Variants in GBE1 observed in about 807,000 individuals in gnomAD.
The protein encoded by GBE1 is 1,4-alpha-glucan-branching enzyme.
In GBE1, 70 loss-of-function variants were observed where a neutral mutation model predicts 88.8. That is an observed-to-expected ratio of 0.79 (90% CI 0.65 to 0.96). The LOEUF (loss-of-function observed/expected upper bound fraction) is 0.96. Among genes scored for constraint, GBE1 ranks in the 40% least tolerant of loss-of-function variants. GBE1 has a pLI of 0.00. For missense variants in GBE1, 872 were observed against 871.0 expected, an observed-to-expected ratio of 1.00 and a Z score of -0.01; for synonymous variants, 284 against 300.1, an observed-to-expected ratio of 0.95 and a Z score of 0.56.
At position 81,643,887 on chromosome 3, in the gene GBE1, G is replaced by C. The variant is rs555726131; in HGVS notation, c.783-897C>G. Reference sequence around the variant, plus strand: ...ATACTTGTGCTCCCATTCATCCCAGGGTGAAGACCATTGTCCTGATCGTGG... The same window carrying C: ...ATACTTGTGCTCCCATTCATCCCAGCGTGAAGACCATTGTCCTGATCGTGG... On this transcript the variant is annotated intron_variant, in intron 6 of 15. Transcript: ENST00000429644. 2.6e-5 allele frequency among the ~76,000 whole-genome samples: 4 copies of C among 152,126 alleles called. No homozygotes were observed. In the South Asian group the frequency reaches 8.3e-4, roughly 32 times the overall value.
chr3:81,639,262 T>C (rs1704635039), intron 7 of GBE1, among the ~76,000 whole-genome samples: 1 of 152,134 alleles, frequency 6.6e-6, no homozygotes, highest in African/African-American at 2.4e-5. Context: ...ATTTTTCAAA[T>C]ATAGTTTTTT....
At chr3:81,615,818 A>T (rs573674045) in intron 7 of GBE1, among the ~76,000 whole-genome samples, 1 of 152,224 alleles carries the variant, frequency 6.6e-6, no homozygotes, top group Non-Finnish European at 1.5e-5. Context: ...GCTGGCATGT[A>T]TGACAACTGC....
intron 1 of GBE1, among the ~76,000 whole-genome samples, chr3:81,721,716 T>G (rs1234401997): frequency 6.6e-6 from 1 of 152,184 alleles, no homozygotes; most frequent in African/African-American, 2.4e-5. Context: ...CAGCAACCAT[T>G]AAGAAACAGA....
intron 14 of GBE1, among the ~76,000 whole-genome samples, chr3:81,503,899 T>G (rs772921030): frequency 1.6e-4 from 25 of 152,102 alleles, no homozygotes; most frequent in Non-Finnish European, 2.2e-4. Flanking sequence ...AGACCATACA[T>G]ATAGGAAGCA....
At chr3:81,560,304 T>A (rs1703399733) in intron 12 of GBE1, among the ~76,000 whole-genome samples, 1 of 151,982 alleles carries the variant, frequency 6.6e-6, no homozygotes, top group Admixed American at 6.6e-5. Flanking sequence ...TTTAATCACA[T>A]AGATCAGATA....
intron 1 of GBE1, among the ~76,000 whole-genome samples, chr3:81,735,633 T>TA (rs1360366794): frequency 1.3e-5 from 2 of 152,208 alleles, no homozygotes; most frequent in Non-Finnish European, 2.9e-5. Flanking sequence ...CCCCAGGGAT[T>TA]AATCCAGGAC....
chr3:81,611,898 G>C (rs1704187074), intron 7 of GBE1, among the ~76,000 whole-genome samples: 1 of 151,974 alleles, frequency 6.6e-6, no homozygotes, highest in African/African-American at 2.4e-5. Context: ...CACAAGCAAC[G>C]TGACAAGTTT....
At chr3:81,526,558 C>T (rs1245959694) in intron 14 of GBE1, among the ~76,000 whole-genome samples, 2 of 152,068 alleles carry the variant, frequency 1.3e-5, no homozygotes, top group Non-Finnish European at 2.9e-5. Flanking sequence ...AAATCACAAG[C>T]ATTCTTATAC....
At chr3:81,679,259 G>A (rs1302165690) in intron 2 of GBE1, among the ~76,000 whole-genome samples, 13 of 152,156 alleles carry the variant, frequency 8.5e-5, no homozygotes, top group African/African-American at 2.9e-4. Context: ...AAAGCACAGG[G>A]CATAAGGTTT....
At chr3:81,528,131 A>G (rs1417998130) in intron 14 of GBE1, among the ~76,000 whole-genome samples, 1 of 149,982 alleles carries the variant, frequency 6.7e-6, no homozygotes, top group Admixed American at 6.7e-5. Flanking sequence ...AAAACCAAAC[A>G]CTGCATGTTC....
intron 2 of GBE1, among the ~76,000 whole-genome samples, 177 bp downstream of exon 2, chr3:81,705,267 A>G (rs1705757874): frequency 6.6e-6 from 1 of 152,136 alleles, no homozygotes; most frequent in Non-Finnish European, 1.5e-5. Flanking sequence ...TCACATTATA[A>G]CAGAAACAGC....
intron 1 of GBE1, among the ~76,000 whole-genome samples, chr3:81,749,873 T>C (rs569859285): frequency 1.4e-4 from 22 of 152,344 alleles, no homozygotes; most frequent in Admixed American, 3.9e-4. Flanking sequence ...TCTGACTTTA[T>C]AGGTACTTGG....
chr3:81,545,517 T>G (rs1232704741), intron 12 of GBE1, among the ~76,000 whole-genome samples: 1 of 152,100 alleles, frequency 6.6e-6, no homozygotes, highest in East Asian at 1.9e-4. Context: ...CAGAACTCAG[T>G]GCTCAAGAGA....
At chr3:81,521,695 G>T (rs1334414349) in intron 14 of GBE1, among the ~76,000 whole-genome samples, 3 of 151,494 alleles carry the variant, frequency 2.0e-5, no homozygotes, top group Non-Finnish European at 4.4e-5. Flanking sequence ...TAATAACAGA[G>T]AATTGTCCTG....
chr3:81,627,203 G>C, intron 7 of GBE1, among the ~76,000 whole-genome samples: 1 of 152,128 alleles, frequency 6.6e-6, no homozygotes, highest in African/African-American at 2.4e-5. Flanking sequence ...TTCTCTAGCA[G>C]GTTCTGAGGT....
intron 12 of GBE1, among the ~76,000 whole-genome samples, chr3:81,561,910 C>T (rs960055624): frequency 6.6e-6 from 1 of 152,060 alleles, no homozygotes; most frequent in African/African-American, 2.4e-5. Flanking sequence ...GAAACGGATA[C>T]TTTAAACTTA....
At chr3:81,508,632 C>A (rs897149358) in intron 14 of GBE1, among the ~76,000 whole-genome samples, 1 of 152,092 alleles carries the variant, frequency 6.6e-6, no homozygotes, top group Non-Finnish European at 1.5e-5. Flanking sequence ...CTGGGAACAG[C>A]CTTCAATGCA....
intron 1 of GBE1, among the ~76,000 whole-genome samples, chr3:81,750,539 G>GTGTATA (rs201058167): frequency 4.5e-5 from 3 of 66,410 alleles, no homozygotes; most frequent in African/African-American, 2.9e-4. Context: ...ATATATATAC[G>GTGTATA]TATATATATA....
At position 81,685,329 on chromosome 3, in the gene GBE1, T is replaced by C. The variant is rs138745857; in HGVS notation, c.314-14376A>G. 4.1e-3 allele frequency among the ~76,000 whole-genome samples: 622 copies of C among 152,216 alleles called. 8 individuals are homozygous for C. Among genetic ancestry groups the C allele is most frequent in the Middle Eastern group, 0.014 (4 of 294 alleles). ...AAGACAAGTTTTTTGTTGTTGTTGT[T>C]GTTGTTGTTTTGTTTTTGTTTGTTT... On this transcript the variant is annotated intron_variant, in intron 2 of 15. Coordinates refer to ENST00000429644, the MANE Select transcript of GBE1 (RefSeq NM_000158.4).
Sources: allele counts gnomAD v4.1 joint callset (sites outside exome capture counted in the v4.1 genomes callset), GRCh38; gene constraint gnomAD v4.1.1; transcripts MANE v1.5; gene names NCBI Gene and HGNC (gene_info 2026-07-23, HGNC 2026-07-21).